KIRREL3: variants seen among roughly 807,000 people sequenced by gnomAD.
KIRREL3 encodes the protein kirre like nephrin family adhesion molecule 3.
A neutral mutation model predicts 89.7 loss-of-function variants in KIRREL3; 36 were observed. The ratio of observed to expected loss-of-function variants is 0.40; its 90% CI spans 0.31 to 0.53. The LOEUF is 0.53. KIRREL3 is among the 20% of genes least tolerant of loss of function. The pLI, the probability that KIRREL3 is intolerant of heterozygous loss-of-function variation, is 0.49. For missense variants in KIRREL3, 864 were observed against 1,056.6 expected (o/e 0.82, Z 2.53); for synonymous variants, 445 against 441.4 (o/e 1.01, Z -0.10).
At chr11:126,798,277 T>A (rs1166354811) in intron 1 of KIRREL3, among the ~76,000 whole-genome samples, 1 of 152,182 alleles carries the variant, frequency 6.6e-6, no homozygotes. Context: ...TCCTTTTCTT[T>A]CCCAGATTTC....
chr11:126,538,780 G>A (rs1370177476), intron 2 of KIRREL3, among the ~76,000 whole-genome samples: 1 of 152,198 alleles, frequency 6.6e-6, no homozygotes, highest in African/African-American at 2.4e-5. Context: ...CCCCAGGTTG[G>A]GTGTGGGGTG....
At chr11:126,469,724 C>T in intron 5 of KIRREL3, among the ~76,000 whole-genome samples, 1 of 152,122 alleles carries the variant, frequency 6.6e-6, no homozygotes, top group Non-Finnish European at 1.5e-5. Flanking sequence ...GAGGAGAGGC[C>T]CAGAGAAATG....
intron 1 of KIRREL3, among the ~76,000 whole-genome samples, chr11:126,982,309 G>A (rs1022919612): frequency 6.6e-6 from 1 of 152,240 alleles, no homozygotes; most frequent in African/African-American, 2.4e-5. Context: ...TGGACTCAGA[G>A]ACCCATCTGT....
Position 126,954,378 on chromosome 11 carries a change from G to A in KIRREL3, c.55+46077C>T, listed in dbSNP as rs1948861280. On this transcript the variant is annotated intron_variant, in intron 1 of 16. Transcript: ENST00000525144. The surrounding 1 kb of genome is among the most constrained non-coding windows in gnomAD (Gnocchi z 4.1). ...CCGATTGATTATTTATCACTTCAAT[G>A]AAGAATTTATTGATTTACTTAATAT... 6.6e-6 allele frequency among the ~76,000 whole-genome samples: 1 copy of A among 152,002 alleles called. No homozygotes were observed. The highest frequency in any genetic ancestry group is 6.6e-5 in the Admixed American group (1 of 15,250).
chr11:126,538,799 G>T (rs994556411), intron 2 of KIRREL3, among the ~76,000 whole-genome samples: 4 of 152,204 alleles, frequency 2.6e-5, no homozygotes, highest in Non-Finnish European at 5.9e-5. Context: ...TGTGCAGGAG[G>T]GGCTGATATG....
chr11:126,538,867 G>C (rs1365068375), intron 2 of KIRREL3, among the ~76,000 whole-genome samples: 1 of 152,108 alleles, frequency 6.6e-6, no homozygotes, highest in Non-Finnish European at 1.5e-5. Context: ...GAAGAAACTA[G>C]AATAAAAAGC....
rs1037851449 is a variant in KIRREL3 at position 126,703,715 on chromosome 11, C to G, written c.56-140803G>C. Among the ~76,000 whole-genome samples, 2 of 152,228 alleles carry G rather than the reference C, an allele frequency of 1.3e-5. No individual in the cohort carries two copies. Among genetic ancestry groups the G allele is most frequent in the African/African-American group, 4.8e-5 (2 of 41,464 alleles). ...GGCAGGACTCCTAAGCCTGGGCCCT[C>G]TGACTGCCTGGGCCAGTGTTTCCGT... On this transcript the variant is annotated intron_variant, in intron 1 of 16. Transcript: ENST00000525144. The surrounding 1 kb of genome is among the most constrained non-coding windows in gnomAD (Gnocchi z 4.6).
rs961846969 is a variant in KIRREL3 at position 126,471,813 on chromosome 11, C to T, written c.591+1496G>A. The stretch of plus-strand genomic sequence containing the variant: ...CTGGTCCTTCCCTGGGTCTGCAAGG[C>T]CCCAGATGTCAAAGCATCATAAAAT... On this transcript the variant is annotated intron_variant, in intron 5 of 16. Coordinates refer to ENST00000525144, the MANE Select transcript of KIRREL3 (RefSeq NM_032531.4). This position sits in a 1 kb window ranked among gnomAD's most constrained non-coding sequence, Gnocchi z 5.4. Among the ~76,000 whole-genome samples, 5 of 152,174 alleles carry T rather than the reference C, an allele frequency of 3.3e-5. No individual in the cohort carries two copies. Among genetic ancestry groups the T allele is most frequent in the African/African-American group, 1.2e-4 (5 of 41,438 alleles).
At chr11:126,447,619 C>T (rs938652433) in intron 8 of KIRREL3, among the ~76,000 whole-genome samples, 1 of 152,198 alleles carries the variant, frequency 6.6e-6, no homozygotes, top group Non-Finnish European at 1.5e-5. Context: ...CTCCTCTCCA[C>T]CTTCCCTAGC....
rs1950765677 is a variant in KIRREL3 at position 126,795,166 on chromosome 11, T to C, written c.55+205289A>G. Among the ~76,000 whole-genome samples, 1 of 152,160 alleles carries C rather than the reference T, an allele frequency of 6.6e-6. No individual in the cohort carries two copies. Among genetic ancestry groups the C allele is most frequent in the South Asian group, 2.1e-4 (1 of 4,820 alleles). On this transcript the variant is annotated intron_variant, in intron 1 of 16. Transcript: ENST00000525144. The surrounding 1 kb of genome is among the most constrained non-coding windows in gnomAD (Gnocchi z 4.1). ...GTATGATCATGTAATGGTGGATACA[T>C]GTCATCACACATTTGGCCAAGCCCA...
At chr11:126,444,659 C>T (rs1955719025) in intron 10 of KIRREL3, among the ~76,000 whole-genome samples, 2 of 152,146 alleles carry the variant, frequency 1.3e-5, no homozygotes, top group Admixed American at 1.3e-4. Flanking sequence ...AAAGGGTGGA[C>T]ACGTTGGCCA....
chr11:126,984,769 T>C (rs945211300), intron 1 of KIRREL3, among the ~76,000 whole-genome samples: 1 of 152,112 alleles, frequency 6.6e-6, no homozygotes, highest in African/African-American at 2.4e-5. Flanking sequence ...CCAAGCTCCA[T>C]GTGAGCCCGC....
In KIRREL3 at chr11:126,568,578, A is replaced by G. The variant is rs1429136306; in HGVS notation, c.56-5666T>C. Among the ~76,000 whole-genome samples, 1 of 152,168 alleles carries G rather than the reference A, an allele frequency of 6.6e-6. No homozygotes were observed. Among genetic ancestry groups the G allele is most frequent in the African/African-American group, 2.4e-5 (1 of 41,460 alleles). On this transcript the variant is annotated intron_variant, in intron 1 of 16. Transcript: ENST00000525144. This position sits in a 1 kb window ranked among gnomAD's most constrained non-coding sequence, Gnocchi z 4.6. ...TTGGTTGGACTCACAGGGAGGCCAC[A>G]TGGGGCAGGGGAGGTTTCAGAACTA...
In KIRREL3 at chr11:126,813,561, A is replaced by C. The variant is rs570144904; in HGVS notation, c.55+186894T>G. Among the ~76,000 whole-genome samples the C allele has an allele frequency of 1.3e-4, 20 of 152,346 alleles. No homozygotes were observed. The East Asian group carries it at 3.9e-3, about 29-fold the overall frequency. On this transcript the variant is annotated intron_variant, in intron 1 of 16. Coordinates refer to ENST00000525144, the MANE Select transcript of KIRREL3 (RefSeq NM_032531.4). ...ATTCTGCCCAAAGAATTACTGAAGA[A>C]TGAATTCCCCTGTTTATTTAGAGCT...
At chr11:126,445,954 G>C (rs1024699807) in intron 9 of KIRREL3, among the ~76,000 whole-genome samples, 2 of 152,142 alleles carry the variant, frequency 1.3e-5, no homozygotes, top group Non-Finnish European at 2.9e-5. Flanking sequence ...TTTGAGACTA[G>C]TGTGACCAAC....
chr11:126,967,746 G>A (rs944778514), intron 1 of KIRREL3, among the ~76,000 whole-genome samples: 6 of 152,018 alleles, frequency 3.9e-5, no homozygotes, highest in Admixed American at 2.0e-4. Flanking sequence ...AGGTGGGGGC[G>A]ATTTTCTCCC....
intron 1 of KIRREL3, among the ~76,000 whole-genome samples, chr11:126,803,922 C>T (rs1951121016): frequency 6.6e-6 from 1 of 152,174 alleles, no homozygotes; most frequent in Admixed American, 6.5e-5. Flanking sequence ...TGGAAGCGGG[C>T]CCTTTGTGGT....
rs189712817 is a variant in KIRREL3 at position 126,718,001 on chromosome 11, T to C, written c.56-155089A>G. On this transcript the variant is annotated intron_variant, in intron 1 of 16. Coordinates refer to ENST00000525144, the MANE Select transcript of KIRREL3 (RefSeq NM_032531.4). Reference sequence around the variant, plus strand: ...TTTGACAGAACTCTACATTTTTTCATTGGGAGGTTCATGGATAGAAGTTAA... The same window carrying C: ...TTTGACAGAACTCTACATTTTTTCACTGGGAGGTTCATGGATAGAAGTTAA... Among the ~76,000 whole-genome samples, 206 of 152,278 alleles carry C rather than the reference T, an allele frequency of 1.4e-3. 1 individual carries two copies. Among genetic ancestry groups the C allele is most frequent in the African/African-American group, 4.6e-3 (193 of 41,558 alleles).
Position 126,607,837 on chromosome 11 carries a change from G to T in KIRREL3, c.56-44925C>A, listed in dbSNP as rs899791182. Among the ~76,000 whole-genome samples the T allele has an allele frequency of 6.6e-6, 1 of 152,274 alleles. No individual in the cohort carries two copies. The highest frequency in any genetic ancestry group is 1.9e-4 in the East Asian group (1 of 5,176). Reference sequence around the variant, plus strand: ...GAATAGGGAGCGTTGCTGAGCACTTGCAATCAAGACAGAGTTGCCACCCAC... The same window carrying T: ...GAATAGGGAGCGTTGCTGAGCACTTTCAATCAAGACAGAGTTGCCACCCAC... On this transcript the variant is annotated intron_variant, in intron 1 of 16. Coordinates refer to ENST00000525144, the MANE Select transcript of KIRREL3 (RefSeq NM_032531.4). The surrounding 1 kb of genome is among the most constrained non-coding windows in gnomAD (Gnocchi z 6.6).
Sources: gnomAD v4.1 joint callset for allele counts (sites outside exome capture counted in the v4.1 genomes callset) on GRCh38, gnomAD v4.1.1 for gene constraint, Gnocchi (gnomAD v3.1) non-coding constraint, MANE v1.5 for transcripts, NCBI Gene and HGNC (gene_info 2026-07-23, HGNC 2026-07-21) for gene names.